PRKN: variants seen among roughly 807,000 people sequenced by gnomAD.
PRKN encodes the protein E3 ubiquitin-protein ligase parkin.
PRKN carries 56 observed loss-of-function variants against 59.5 expected under a neutral mutation model. The ratio of observed to expected loss-of-function variants is 0.94; its 90% CI spans 0.76 to 1.18. The LOEUF (loss-of-function observed/expected upper bound fraction) is 1.18. Ranked by LOEUF, PRKN falls within the 50% of genes most tolerant of loss-of-function variation. The pLI, the probability that PRKN is intolerant of heterozygous loss-of-function variation, is 0.00. For missense variants in PRKN, 657 were observed against 596.4 expected (o/e 1.10, Z -1.06); for synonymous variants, 250 against 222.1 (o/e 1.13, Z -1.12).
Position 161,360,055 on chromosome 6 carries a change from G to T in PRKN, c.1285+33C>A. 6.9e-7 allele frequency: 1 copy of T among 1,448,178 alleles called. No individual in the cohort carries two copies. Among genetic ancestry groups the T allele is most frequent in the Non-Finnish European group, 9.7e-7 (1 of 1,028,522 alleles). The allele number at this position is 1,448,178 out of a possible 1,614,324, so 89.7% of individuals were successfully genotyped here. A position where few individuals can be genotyped will look rare whatever the true frequency, so the allele number is the denominator to read the frequency against. ...TATGATTCTCCCCCAAAGAGCACAC[G>T]ACATCCTCATTCTCTGCTCAGCACA... is the stretch of plus-strand genomic sequence containing the variant. On this transcript the variant is annotated intron_variant, in intron 11 of 11. Coordinates refer to ENST00000366898, the MANE Select transcript of PRKN (RefSeq NM_004562.3). This position sits in a 1 kb window ranked among gnomAD's most constrained non-coding sequence, Gnocchi z 5.1.
intron 1 of PRKN, among the ~76,000 whole-genome samples, chr6:162,637,665 T>C (rs1777782139): frequency 6.6e-6 from 1 of 151,760 alleles, no homozygotes; most frequent in African/African-American, 2.4e-5. Context: ...CTATTAACTC[T>C]GACTATCATA....
At chr6:161,941,311 G>C (rs1399355237) in intron 6 of PRKN, among the ~76,000 whole-genome samples, 3 of 152,150 alleles carry the variant, frequency 2.0e-5, no homozygotes, top group Non-Finnish European at 2.9e-5. Flanking sequence ...CCGGGGGCTG[G>C]ATGTCTACAG....
chr6:161,946,802 A>G (rs1779799206), intron 6 of PRKN, among the ~76,000 whole-genome samples: 2 of 152,222 alleles, frequency 1.3e-5, no homozygotes, highest in Admixed American at 1.3e-4. Flanking sequence ...ATGTCTACTA[A>G]TAGAGCAAAG....
At chr6:162,654,088 A>T (rs1485285649) in intron 1 of PRKN, among the ~76,000 whole-genome samples, 4 of 152,188 alleles carry the variant, frequency 2.6e-5, no homozygotes. Flanking sequence ...GGAAAGAATG[A>T]TCTTACTAAA....
In PRKN at chr6:161,581,974, C is replaced by T. The variant is rs1201036922; in HGVS notation, c.872-12558G>A. On this transcript the variant is annotated intron_variant, in intron 7 of 11. Coordinates refer to ENST00000366898, the MANE Select transcript of PRKN (RefSeq NM_004562.3). The surrounding 1 kb of genome is among the most constrained non-coding windows in gnomAD (Gnocchi z 4.5). ...ATACTTCTTTGAACATATCCACTCTCTTGTCTATTTTACATTATAACACCT... is the reference window on the plus strand; with the variant it reads ...ATACTTCTTTGAACATATCCACTCTTTTGTCTATTTTACATTATAACACCT... Among the ~76,000 whole-genome samples the T allele has an allele frequency of 6.6e-6, 1 of 152,204 alleles. No homozygotes were observed. Among genetic ancestry groups the T allele is most frequent in the Non-Finnish European group, 1.5e-5 (1 of 68,038 alleles).
intron 1 of PRKN, among the ~76,000 whole-genome samples, chr6:162,486,930 C>T (rs1792570671): frequency 6.6e-6 from 1 of 151,996 alleles, no homozygotes; most frequent in African/African-American, 2.4e-5. Flanking sequence ...ATTAGCCGGG[C>T]GTGGTAGTGC....
At chr6:162,005,836 G>GAT (rs1782230843) in intron 5 of PRKN, among the ~76,000 whole-genome samples, 1 of 152,052 alleles carries the variant, frequency 6.6e-6, no homozygotes, top group Admixed American at 6.6e-5. Flanking sequence ...AAGATGGGAA[G>GAT]GAGAAAGGTT....
intron 7 of PRKN, among the ~76,000 whole-genome samples, chr6:161,636,080 CA>C (rs1186057635): frequency 1.8e-4 from 28 of 152,304 alleles, no homozygotes; most frequent in African/African-American, 6.5e-4. Context: ...TCGAGTCTCC[CA>C]GGCACTATGA....
At chr6:161,406,231 C>T (rs1427516975) in intron 9 of PRKN, among the ~76,000 whole-genome samples, 1 of 151,440 alleles carries the variant, frequency 6.6e-6, no homozygotes, top group African/African-American at 2.4e-5. Context: ...TATATATATA[C>T]ACACACTTGA....
Position 162,607,012 on chromosome 6 carries a change from C to T in PRKN, c.7+120650G>A, listed in dbSNP as rs147123120. On this transcript the variant is annotated intron_variant, in intron 1 of 11. Coordinates refer to ENST00000366898, the MANE Select transcript of PRKN (RefSeq NM_004562.3). The stretch of plus-strand genomic sequence containing the variant: ...ATAGGTGTGAGCCATGGTGCCCAGC[C>T]CGGTTATTTATTGAAACAAAAACAC... 2.7e-3 allele frequency among the ~76,000 whole-genome samples: 418 copies of T among 152,226 alleles called. 4 individuals are homozygous for T. The highest frequency in any genetic ancestry group is 9.6e-3 in the African/African-American group (397 of 41,540).
chr6:161,616,745 C>T (rs1289119497), intron 7 of PRKN, among the ~76,000 whole-genome samples: 3 of 152,104 alleles, frequency 2.0e-5, no homozygotes, highest in African/African-American at 7.2e-5. Flanking sequence ...ATGAACTCAC[C>T]CCCTTAAGGC....
chr6:161,775,311 T>C (rs936958412), intron 7 of PRKN, among the ~76,000 whole-genome samples: 3 of 152,082 alleles, frequency 2.0e-5, no homozygotes, highest in Admixed American at 6.6e-5. Context: ...GGCACAATCA[T>C]GGCTCACTGC....
chr6:161,376,223 A>T lies in PRKN; in HGVS notation c.1167+10571T>A, dbSNP rs1449065079. 1.3e-5 allele frequency among the ~76,000 whole-genome samples: 2 copies of T among 152,070 alleles called. No homozygotes were observed. Among genetic ancestry groups the T allele is most frequent in the South Asian group, 4.2e-4 (2 of 4,818 alleles). On this transcript the variant is annotated intron_variant, in intron 10 of 11. Transcript: ENST00000366898. This position sits in a 1 kb window ranked among gnomAD's most constrained non-coding sequence, Gnocchi z 7.3. ...AGGGGTGGGTGTGGGTGTGGGGAGC[A>T]TGGATAAGGGGCAGTTCGTTGGAGA...
Position 161,785,927 on chromosome 6 carries a change from A to G in PRKN, c.735-19T>C. On this transcript the variant is annotated intron_variant, in intron 6 of 11. Coordinates refer to ENST00000366898, the MANE Select transcript of PRKN (RefSeq NM_004562.3). The stretch of plus-strand genomic sequence containing the variant: ...GGGGCTCCTGCAGAGAGAAAGGAAG[A>G]TGTTTCCTCTAGTACCTGTCAGTGT... The G allele has an allele frequency of 6.2e-7, 1 of 1,613,674 alleles. No individual in the cohort carries two copies. The highest frequency in any genetic ancestry group is 8.5e-7 in the Non-Finnish European group (1 of 1,179,738).
intron 1 of PRKN, chr6:162,569,772 C>T: frequency 4.0e-6 from 2 of 497,136 alleles, no homozygotes; most frequent in Admixed American, 6.0e-5. Flanking sequence ...TGGTGGCTGC[C>T]CCAGAGCCTG....
Position 161,376,443 on chromosome 6 carries a change from T to G in PRKN, c.1167+10351A>C, listed in dbSNP as rs1358847178. 6.6e-6 allele frequency among the ~76,000 whole-genome samples: 1 copy of G among 152,230 alleles called. No homozygotes were observed. Among genetic ancestry groups the G allele is most frequent in the Non-Finnish European group, 1.5e-5 (1 of 68,044 alleles). ...ACCATCGTTCTAAGCTAGACATTCA[T>G]GCATCAACATTAACCCGTCTCCTCT... On this transcript the variant is annotated intron_variant, in intron 10 of 11. Coordinates refer to ENST00000366898, the MANE Select transcript of PRKN (RefSeq NM_004562.3). The surrounding 1 kb of genome is among the most constrained non-coding windows in gnomAD (Gnocchi z 7.3).
chr6:162,354,187 T>C (rs528116181), intron 2 of PRKN, among the ~76,000 whole-genome samples: 11 of 152,244 alleles, frequency 7.2e-5, no homozygotes, highest in African/African-American at 2.6e-4. Flanking sequence ...ATACACACCA[T>C]TCCTTGATTT....
chr6:162,375,175 T>C (rs1785993267), intron 2 of PRKN, among the ~76,000 whole-genome samples: 2 of 152,102 alleles, frequency 1.3e-5, no homozygotes, highest in African/African-American at 2.4e-5. Flanking sequence ...AGAGACCTAA[T>C]AAGTCATGTA....
At chr6:162,470,681 G>A (rs548919328) in intron 1 of PRKN, among the ~76,000 whole-genome samples, 205 of 152,278 alleles carry the variant, frequency 1.3e-3, no homozygotes, top group African/African-American at 4.5e-3. Flanking sequence ...GGTTTGAGAG[G>A]ATACTTGGTG....
Sources: allele counts gnomAD v4.1 joint callset (sites outside exome capture counted in the v4.1 genomes callset), GRCh38; gene constraint gnomAD v4.1.1; non-coding constraint Gnocchi (gnomAD v3.1); transcripts MANE v1.5; gene names NCBI Gene and HGNC (gene_info 2026-07-23, HGNC 2026-07-21).